The following CHST12 variants were observed in gnomAD, a reference collection of about 807,000 sequenced individuals.
CHST12 encodes carbohydrate (chondroitin 4) sulfotransferase 12.
A neutral mutation model predicts 27.9 loss-of-function variants in CHST12; 23 were observed. That is an observed-to-expected ratio of 0.82 (90% CI 0.59 to 1.17). CHST12 has a LOEUF of 1.17. CHST12 is among the 50% of genes most tolerant of loss of function. The probability of loss-of-function intolerance (pLI) is 0.00; values close to 1 mark genes in which losing one functional copy is unlikely to be tolerated. For synonymous variants in CHST12, 322 were observed against 273.0 expected, an observed-to-expected ratio of 1.18 and a Z score of -1.77; for missense variants, 682 against 603.0, an observed-to-expected ratio of 1.13 and a Z score of -1.37.
rs1309069723 is a variant in CHST12 at position 2,438,674 on chromosome 7, G to C, written c.*4790G>C. ...AAAAGTCTTTAAACGTTTCTCCCGAGTGTTGGAGTGACTGTTTGCACACAT... is the reference window on the plus strand; with the variant it reads ...AAAAGTCTTTAAACGTTTCTCCCGACTGTTGGAGTGACTGTTTGCACACAT... On this transcript the variant is annotated 3_prime_UTR_variant, in exon 2 of 2. Transcript: ENST00000618655. 1.2e-4 allele frequency: 19 copies of C among 152,250 alleles called. No homozygotes were observed. Among genetic ancestry groups the C allele is most frequent in the Admixed American group, 1.2e-3 (19 of 15,282 alleles). The allele number at this position is 152,250 out of a possible 1,614,324, so 9.4% of individuals were successfully genotyped here.
At chr7:2,414,950 G>A (rs142998028) in intron 1 of CHST12, among the ~76,000 whole-genome samples, 1,741 of 152,268 alleles carry the variant, frequency 0.011, 16 homozygotes, top group Non-Finnish European at 0.019. Flanking sequence ...ACTTTGTGCT[G>A]TCTCATTTAT....
intron 1 of CHST12, among the ~76,000 whole-genome samples, chr7:2,429,555 G>A (rs373751105): frequency 3.2e-4 from 48 of 152,046 alleles, no homozygotes; most frequent in Non-Finnish European, 4.9e-4. Flanking sequence ...GAGCTTTTAC[G>A]TTACAAATTT....
intron 1 of CHST12, among the ~76,000 whole-genome samples, chr7:2,428,413 A>T (rs770867271): frequency 1.3e-5 from 2 of 152,108 alleles, no homozygotes; most frequent in Non-Finnish European, 2.9e-5. Flanking sequence ...CCAGAAGCCC[A>T]CAATGCAACG....
rs1782667552 is a variant in CHST12, at chr7:2,443,365, G to A, written c.*9481G>A. The A allele has an allele frequency of 6.6e-6, 1 of 152,256 alleles. No individual in the cohort carries two copies. Among genetic ancestry groups the A allele is most frequent in the South Asian group, 2.1e-4 (1 of 4,840 alleles). The allele number at this position is 152,256 out of a possible 1,614,324, so 9.4% of individuals were successfully genotyped here. A position where few individuals can be genotyped will look rare whatever the true frequency, so the allele number is the denominator to read the frequency against. On this transcript the variant is annotated 3_prime_UTR_variant, in exon 2 of 2. Coordinates refer to ENST00000618655, the MANE Select transcript of CHST12 (RefSeq NM_018641.5). ...TCTGCCCGCCTCGGCCTCCCAAAGT[G>A]TTGGGATTACAGGTGTGAGCCACCG...
intron 1 of CHST12, among the ~76,000 whole-genome samples, chr7:2,410,564 C>T (rs1012312210): frequency 1.3e-5 from 2 of 151,982 alleles, no homozygotes; most frequent in Non-Finnish European, 1.5e-5. Flanking sequence ...ATGAAGAAAA[C>T]CAGGGTATGG....
chr7:2,410,112 G>T (rs1021644396), intron 1 of CHST12, among the ~76,000 whole-genome samples: 1 of 152,284 alleles, frequency 6.6e-6, no homozygotes, highest in African/African-American at 2.4e-5. Context: ...TTCCAAGGGG[G>T]TTTTAAAACA....
At chr7:2,413,582 T>C (rs975755718) in intron 1 of CHST12, among the ~76,000 whole-genome samples, 2 of 152,162 alleles carry the variant, frequency 1.3e-5, no homozygotes, top group African/African-American at 4.8e-5. Flanking sequence ...AAATGTCATA[T>C]AAATGGAACC....
In CHST12 at chr7:2,432,860, T is replaced by G; in HGVS notation, c.221T>G (p.Leu74Arg). ...GTCGACGAGTTTCTGGACAAGTTTC[T>G]CAGTGCTGGCGTGAAGCAGAGCGAC... ...SDVDEFLDKF[L>R]SAGVKQSDLP... Residue 74 changes from leucine to arginine, a missense_variant, in exon 2 of 2, where the codon CTC (leucine) becomes CGC (arginine). Leu to Arg is a moderately radical substitution (Grantham distance 102). Coordinates refer to ENST00000618655, the MANE Select transcript of CHST12 (RefSeq NM_018641.5). The G allele has an allele frequency of 6.2e-7, 1 of 1,613,762 alleles. No individual in the cohort carries two copies.
At chr7:2,412,999 C>CA (rs1331471723) in intron 1 of CHST12, among the ~76,000 whole-genome samples, 1 of 151,360 alleles carries the variant, frequency 6.6e-6, no homozygotes, top group Non-Finnish European at 1.5e-5. Flanking sequence ...CTGATGAAGA[C>CA]AGAGAGATAA....
In CHST12 at chr7:2,433,911, T is replaced by A; in HGVS notation, c.*27T>A. 3.2e-6 allele frequency: 5 copies of A among 1,538,612 alleles called. No homozygotes were observed. Among genetic ancestry groups the A allele is most frequent in the Non-Finnish European group, 4.4e-6 (5 of 1,141,812 alleles). The stretch of plus-strand genomic sequence containing the variant: ...AGCTTTCGCGTTGCTTTTTCTCGCG[T>A]GCCTGGAACCTGACGCACGCGCACT... On this transcript the variant is annotated 3_prime_UTR_variant, in exon 2 of 2. Transcript: ENST00000618655. The surrounding 1 kb of genome is among the most constrained non-coding windows in gnomAD (Gnocchi z 6.1).
At chr7:2,407,658 T>C (rs1040078488) in intron 1 of CHST12, among the ~76,000 whole-genome samples, 11 of 152,018 alleles carry the variant, frequency 7.2e-5, no homozygotes, top group African/African-American at 2.7e-4. Flanking sequence ...TTGGGAAGGC[T>C]GGGTGTGGTG....
At chr7:2,432,531 A>G in intron 1 of CHST12, 32 bp from the exon 2 acceptor site, 1 of 1,253,924 alleles carries the variant, frequency 8.0e-7, no homozygotes, top group Non-Finnish European at 1.1e-6. Flanking sequence ...AGTGCACCTC[A>G]GTCATTAACT....
At position 2,438,139 on chromosome 7, in the gene CHST12, C is replaced by G. The variant is rs1213607501; in HGVS notation, c.*4255C>G. ...GACCAGGTCTCCCCAGAGGGACCCTCCTGAGCTGAGCTGCCCGGGGCACCT... is the reference window on the plus strand; with the variant it reads ...GACCAGGTCTCCCCAGAGGGACCCTGCTGAGCTGAGCTGCCCGGGGCACCT... On this transcript the variant is annotated 3_prime_UTR_variant, in exon 2 of 2. Transcript: ENST00000618655. 6.6e-6 allele frequency: 1 copy of G among 152,310 alleles called. No homozygotes were observed. Among genetic ancestry groups the G allele is most frequent in the Non-Finnish European group, 1.5e-5 (1 of 68,108 alleles). 9.4% of individuals were successfully genotyped at this position (152,310 alleles called of 1,614,324 possible). A position where few individuals can be genotyped will look rare whatever the true frequency, so the allele number is the denominator to read the frequency against.
chr7:2,415,965 T>C (rs1371727011), intron 1 of CHST12, among the ~76,000 whole-genome samples: 1 of 152,198 alleles, frequency 6.6e-6, no homozygotes, highest in African/African-American at 2.4e-5. Flanking sequence ...GACTCTTACT[T>C]TTACAAAAGG....
At chr7:2,418,877 G>T (rs1048964113) in intron 1 of CHST12, among the ~76,000 whole-genome samples, 4 of 152,168 alleles carry the variant, frequency 2.6e-5, no homozygotes, top group Non-Finnish European at 5.9e-5. Context: ...GCTTACTGCA[G>T]CCTTGACCTC....
At chr7:2,406,794 A>C (rs79940271) in intron 1 of CHST12, among the ~76,000 whole-genome samples, 2,017 of 152,242 alleles carry the variant, frequency 0.013, 49 homozygotes, top group African/African-American at 0.046. Context: ...AAAAATCCCC[A>C]TCCCTTAAAT....
Position 2,433,395 on chromosome 7 carries a change from C to A in CHST12, c.756C>A (p.Ile252=). 1 of 1,609,610 alleles carries A rather than the reference C, an allele frequency of 6.2e-7. No individual in the cohort carries two copies. The highest frequency in any genetic ancestry group is 8.5e-7 in the Non-Finnish European group (1 of 1,179,908). Residue 252 remains isoleucine, a synonymous_variant, in exon 2 of 2, where the codon ATC becomes ATA. Transcript: ENST00000618655. This position sits in a 1 kb window ranked among gnomAD's most constrained non-coding sequence, Gnocchi z 6.1. ...LFVRDPFVRL[I]SAFRSKFELE... ...TGCGCGACCCCTTCGTGCGCCTGAT[C>A]TCCGCCTTCCGCAGCAAGTTCGAGC...
intron 1 of CHST12, among the ~76,000 whole-genome samples, chr7:2,416,932 T>C (rs998613638): frequency 1.3e-5 from 2 of 152,182 alleles, no homozygotes; most frequent in African/African-American, 4.8e-5. Context: ...AGCACGTAAA[T>C]TACTTTATCT....
In CHST12 at chr7:2,433,364, TCTTCGTGCGC is replaced by T; in HGVS notation, c.726_735del (p.Phe243ThrfsTer6). ...AAGCTCAAGAAGTACACCAAGTTCC[TCTTCGTGCGC>T]GACCCCTTCGTGCGCCTGATCTCCG... is the stretch of plus-strand genomic sequence containing the variant. On this transcript the variant is annotated frameshift_variant, in exon 2 of 2. Coordinates refer to ENST00000618655, the MANE Select transcript of CHST12 (RefSeq NM_018641.5). LOFTEE classifies it high-confidence loss of function. The surrounding 1 kb of genome is among the most constrained non-coding windows in gnomAD (Gnocchi z 6.1). 6.2e-7 allele frequency: 1 copy of T among 1,611,486 alleles called. No individual in the cohort carries two copies. Among genetic ancestry groups the T allele is most frequent in the Non-Finnish European group, 8.5e-7 (1 of 1,179,948 alleles).
Sources: gnomAD v4.1 joint callset for allele counts (sites outside exome capture counted in the v4.1 genomes callset) on GRCh38, gnomAD v4.1.1 for gene constraint, Gnocchi (gnomAD v3.1) non-coding constraint, MANE v1.5 for transcripts, NCBI Gene and HGNC (gene_info 2026-07-23, HGNC 2026-07-21) for gene names.